Variants in CMTM8 observed in about 807,000 individuals in gnomAD.
The protein encoded by CMTM8 is CKLF-like MARVEL transmembrane domain-containing protein 8.
CMTM8 carries 12 observed loss-of-function variants against 18.6 expected under a neutral mutation model. That is an observed-to-expected ratio of 0.65 (90% CI 0.41 to 1.05). The LOEUF (loss-of-function observed/expected upper bound fraction) is 1.05, where lower values mean the gene tolerates loss of function less well. Among genes scored for constraint, CMTM8 ranks in the 50% least tolerant of loss-of-function variants. The pLI is 0.00. For synonymous variants in CMTM8, 87 were observed against 90.6 expected (o/e 0.96, Z 0.23); for missense variants, 217 against 227.2 (o/e 0.95, Z 0.29).
chr3:32,330,309 A>G (rs1190754221), intron 1 of CMTM8, among the ~76,000 whole-genome samples: 1 of 151,340 alleles, frequency 6.6e-6, no homozygotes, highest in African/African-American at 2.4e-5. Context: ...ATAAAGCCAC[A>G]GGCCCCATGC....
chr3:32,248,774 C>G (rs565714886), intron 1 of CMTM8, among the ~76,000 whole-genome samples: 1 of 152,140 alleles, frequency 6.6e-6, no homozygotes, highest in Non-Finnish European at 1.5e-5. Context: ...CCACAAACTC[C>G]TGGGCTTGAG....
intron 1 of CMTM8, among the ~76,000 whole-genome samples, chr3:32,337,775 G>C (rs1402429108): frequency 1.3e-5 from 2 of 152,104 alleles, no homozygotes; most frequent in African/African-American, 4.8e-5. Context: ...CTGCTGGCCT[G>C]GGACCAGACA....
chr3:32,286,199 C>T (rs141151664), intron 1 of CMTM8, among the ~76,000 whole-genome samples: 4 of 152,228 alleles, frequency 2.6e-5, no homozygotes, highest in East Asian at 3.9e-4. Flanking sequence ...CAGAGACAAT[C>T]GGTACATGAA....
chr3:32,256,979 A>C (rs1345851119), intron 1 of CMTM8, among the ~76,000 whole-genome samples: 1 of 152,082 alleles, frequency 6.6e-6, no homozygotes. Flanking sequence ...GAAGCTTTTG[A>C]AATTGTTTCC....
At chr3:32,350,483 G>A (rs532644086) in intron 1 of CMTM8, among the ~76,000 whole-genome samples, 185 of 148,838 alleles carry the variant, frequency 1.2e-3, no homozygotes, top group African/African-American at 3.7e-3. Context: ...TCAGCCTCCC[G>A]AGTAGCTGGG....
intron 1 of CMTM8, among the ~76,000 whole-genome samples, chr3:32,250,756 A>G (rs943695490): frequency 6.6e-6 from 1 of 151,958 alleles, no homozygotes. Flanking sequence ...TTTATTTTAT[A>G]TAAAAAATTT....
chr3:32,265,720 GAAAA>G (rs1702330230), intron 1 of CMTM8, among the ~76,000 whole-genome samples: 1 of 151,458 alleles, frequency 6.6e-6, no homozygotes, highest in African/African-American at 2.4e-5. Context: ...GACTAATAAA[GAAAA>G]AAAGAGAGAA....
At chr3:32,282,559 C>T (rs1702623653) in intron 1 of CMTM8, among the ~76,000 whole-genome samples, 1 of 152,178 alleles carries the variant, frequency 6.6e-6, no homozygotes, top group Admixed American at 6.5e-5. Context: ...AACTAACATC[C>T]TCTCTTGTAT....
At chr3:32,277,934 A>G (rs1223027620) in intron 1 of CMTM8, among the ~76,000 whole-genome samples, 2 of 152,360 alleles carry the variant, frequency 1.3e-5, no homozygotes, top group South Asian at 2.1e-4. Flanking sequence ...GACAAAGACC[A>G]AAACAAGTGG....
rs74473915 is a variant in CMTM8, at chr3:32,256,500, G to T, written c.147+17381G>T. ...ACAGACTTCGTTACAGCAGAGTCTT[G>T]TGTGAATGATGTCTTGCACTACTAC... On this transcript the variant is annotated intron_variant, in intron 1 of 3. Coordinates refer to ENST00000307526, the MANE Select transcript of CMTM8 (RefSeq NM_178868.5). Among the ~76,000 whole-genome samples the T allele has an allele frequency of 8.1e-4, 123 of 152,218 alleles. 1 individual carries two copies. The East Asian group carries it at 0.013, about 16-fold the overall frequency.
intron 1 of CMTM8, among the ~76,000 whole-genome samples, chr3:32,307,354 A>T (rs573043361): frequency 6.6e-6 from 1 of 152,142 alleles, no homozygotes; most frequent in African/African-American, 2.4e-5. Flanking sequence ...AAAAAAAGAG[A>T]AGGTAGAATC....
intron 1 of CMTM8, among the ~76,000 whole-genome samples, chr3:32,308,941 G>GT (rs1695767208): frequency 1.3e-5 from 2 of 152,164 alleles, no homozygotes; most frequent in Non-Finnish European, 2.9e-5. Flanking sequence ...TGGCAGCTCT[G>GT]TATCAACCAT....
intron 1 of CMTM8, among the ~76,000 whole-genome samples, chr3:32,239,546 T>C (rs1365110891): frequency 6.6e-6 from 1 of 152,144 alleles, no homozygotes; most frequent in African/African-American, 2.4e-5. Context: ...TTTCTTTTCC[T>C]AATTATCTCC....
intron 1 of CMTM8, among the ~76,000 whole-genome samples, chr3:32,325,758 A>AT (rs1696138381): frequency 6.6e-6 from 1 of 152,148 alleles, no homozygotes; most frequent in South Asian, 2.1e-4. Flanking sequence ...TATCTCCCAC[A>AT]TTTTTGAATA....
rs77817512 is a variant in CMTM8 at position 32,352,606 on chromosome 3, A to G, written c.148-4767A>G. On this transcript the variant is annotated intron_variant, in intron 1 of 3. Coordinates refer to ENST00000307526, the MANE Select transcript of CMTM8 (RefSeq NM_178868.5). ...CAACAGATGTCAGACATAAGACTGAATACTACAGGGTCCATTTATATGAAG... is the reference window on the plus strand; with the variant it reads ...CAACAGATGTCAGACATAAGACTGAGTACTACAGGGTCCATTTATATGAAG... 7.5e-3 allele frequency among the ~76,000 whole-genome samples: 1,136 copies of G among 152,336 alleles called. 12 individuals carry two copies. Among genetic ancestry groups the G allele is most frequent in the African/African-American group, 0.026 (1,089 of 41,562 alleles).
intron 1 of CMTM8, among the ~76,000 whole-genome samples, chr3:32,354,536 C>T (rs900997318): frequency 5.9e-5 from 9 of 152,178 alleles, no homozygotes; most frequent in Non-Finnish European, 1.2e-4. Context: ...AGGCTTCACT[C>T]GCGTTAATAA....
In CMTM8 at chr3:32,317,943, T is replaced by C. The variant is rs937439580; in HGVS notation, c.148-39430T>C. On this transcript the variant is annotated intron_variant, in intron 1 of 3. Coordinates refer to ENST00000307526, the MANE Select transcript of CMTM8 (RefSeq NM_178868.5). ...GGTTGTAGGCACCTGTAATTCCAGC[T>C]ACTTGGGAGGCTGGGTCAGGAGAAT... is the stretch of plus-strand genomic sequence containing the variant. Among the ~76,000 whole-genome samples the C allele has an allele frequency of 4.0e-5, 6 of 150,798 alleles. No individual in the cohort carries two copies. In the Admixed American group the frequency reaches 4.0e-4, roughly 10 times the overall value.
chr3:32,285,929 A>G (rs4955274), intron 1 of CMTM8, among the ~76,000 whole-genome samples: 72,950 of 152,062 alleles, frequency 0.48, 17,839 homozygotes, highest in South Asian at 0.56. Context: ...AGATGTTTGG[A>G]TGAAAGAATA....
intron 1 of CMTM8, among the ~76,000 whole-genome samples, chr3:32,301,402 T>G (rs1695616008): frequency 6.6e-6 from 1 of 152,164 alleles, no homozygotes. Flanking sequence ...ATAAGACATT[T>G]TAAATAACAA....
Sources: allele counts gnomAD v4.1 joint callset (sites outside exome capture counted in the v4.1 genomes callset), GRCh38; gene constraint gnomAD v4.1.1; transcripts MANE v1.5; gene names NCBI Gene and HGNC (gene_info 2026-07-23, HGNC 2026-07-21).